Variants in CENPU observed in about 807,000 individuals in gnomAD.
CENPU encodes the protein KSHV latent nuclear antigen interacting protein 1.
In CENPU, 46 loss-of-function variants were observed where a neutral mutation model predicts 56.7. That is an observed-to-expected ratio of 0.81 (90% confidence interval 0.64 to 1.04). The LOEUF (loss-of-function observed/expected upper bound fraction) is 1.04, where lower values mean the gene tolerates loss of function less well. CENPU is among the 50% of genes least tolerant of loss of function. CENPU has a pLI of 0.00. For synonymous variants in CENPU, 166 were observed against 163.0 expected (o/e 1.02, Z -0.14); for missense variants, 510 against 490.1 (o/e 1.04, Z -0.38).
At chr4:184,714,951 T>C (rs12502860) in intron 6 of CENPU, among the ~76,000 whole-genome samples, 27,027 of 152,010 alleles carry the variant, frequency 0.18, 2,684 homozygotes, top group African/African-American at 0.26. Flanking sequence ...TGAATCAACT[T>C]GACCTCAACT....
At chr4:184,710,633 C>A (rs1760891063) in intron 7 of CENPU, among the ~76,000 whole-genome samples, 1 of 151,530 alleles carries the variant, frequency 6.6e-6, no homozygotes, top group Non-Finnish European at 1.5e-5. Flanking sequence ...AATCTGAAGA[C>A]CTTGGTTCTA....
At chr4:184,718,248 C>T (rs187114327) in intron 4 of CENPU, among the ~76,000 whole-genome samples, 31 of 152,224 alleles carry the variant, frequency 2.0e-4, no homozygotes, top group African/African-American at 7.5e-4. Context: ...CAGGCCAGGC[C>T]TCCTTTTAAC....
chr4:184,704,431 C>G (rs1024288849), intron 8 of CENPU, among the ~76,000 whole-genome samples: 7 of 152,068 alleles, frequency 4.6e-5, no homozygotes, highest in African/African-American at 1.7e-4. Context: ...ATAGGCAACA[C>G]ATCATATAGC....
In CENPU at chr4:184,716,601, G is replaced by A. The variant is rs776055774; in HGVS notation, c.414C>T (p.Asp138=). Residue 138 remains aspartate, a synonymous_variant, in exon 6 of 13, where the codon GAC becomes GAT. Transcript: ENST00000281453. ...TATCACTTTCTTCAATGCTTTCAGAGTCATCACTAATGGGCCTGAGCTTTC... is the reference window on the plus strand; with the variant it reads ...TATCACTTTCTTCAATGCTTTCAGAATCATCACTAATGGGCCTGAGCTTTC... ...PGRKLRPISD[D]SESIEESDTR... is the part of the protein sequence containing the mutation. 2.2e-5 allele frequency: 35 copies of A among 1,614,004 alleles called. No homozygotes were observed. The South Asian group carries it at 3.6e-4, about 17-fold the overall frequency.
chr4:184,726,814 C>T (rs1388414161), intron 3 of CENPU, among the ~76,000 whole-genome samples: 3 of 152,028 alleles, frequency 2.0e-5, no homozygotes, highest in East Asian at 1.9e-4. Context: ...TCTGGCTGGG[C>T]GCAGTGGCTC....
intron 1 of CENPU, among the ~76,000 whole-genome samples, chr4:184,732,260 G>C (rs1761674820): frequency 7.2e-6 from 1 of 138,444 alleles, no homozygotes; most frequent in Non-Finnish European, 1.6e-5. Flanking sequence ...AAAAAAAAAA[G>C]TTAGAAAACT....
At chr4:184,706,950 G>A (rs953958678) in intron 8 of CENPU, among the ~76,000 whole-genome samples, 3 of 151,454 alleles carry the variant, frequency 2.0e-5, no homozygotes, top group African/African-American at 7.3e-5. Context: ...TTTAGAAGGG[G>A]ACAATGCCAT....
rs76476055 is a variant in CENPU, at chr4:184,715,323, A to G, written c.618+1074T>C. ...AATTTTAGCACCAATAAGACCCAGA[A>G]TTCTTTGTTTTTTGAGACAGAGTCT... On this transcript the variant is annotated intron_variant, in intron 6 of 12. Transcript: ENST00000281453. Among the ~76,000 whole-genome samples the G allele has an allele frequency of 5.1e-4, 77 of 152,274 alleles. No individual in the cohort carries two copies. The East Asian group carries it at 0.012, about 24-fold the overall frequency.
At chr4:184,696,403 G>A (rs1035765182) in intron 12 of CENPU, among the ~76,000 whole-genome samples, 1 of 152,168 alleles carries the variant, frequency 6.6e-6, no homozygotes, top group African/African-American at 2.4e-5. Flanking sequence ...CAGGTGGTGT[G>A]TTCCAAACAA....
chr4:184,705,075 T>G (rs929507337), intron 8 of CENPU, among the ~76,000 whole-genome samples: 4 of 152,128 alleles, frequency 2.6e-5, no homozygotes, highest in African/African-American at 9.7e-5. Flanking sequence ...TCTTGGGCAT[T>G]TATCCCAGAG....
At chr4:184,728,166 GT>G (rs1313984347) in intron 3 of CENPU, among the ~76,000 whole-genome samples, 1 of 152,114 alleles carries the variant, frequency 6.6e-6, no homozygotes, top group East Asian at 1.9e-4. Context: ...AAATTATGGG[GT>G]TTTAGGTTCA....
intron 11 of CENPU, chr4:184,698,014 T>C (rs1760399284): frequency 4.0e-6 from 2 of 501,248 alleles, no homozygotes; most frequent in African/African-American, 2.0e-5. Context: ...AATGAATAAT[T>C]AGCAGTGATA....
intron 4 of CENPU, among the ~76,000 whole-genome samples, chr4:184,724,332 T>C (rs181597277): frequency 1.3e-5 from 2 of 152,314 alleles, no homozygotes; most frequent in East Asian, 3.9e-4. Context: ...TAAATACATT[T>C]AGTAACTAGA....
intron 4 of CENPU, among the ~76,000 whole-genome samples, chr4:184,724,433 T>A (rs1293329878): frequency 1.3e-5 from 2 of 152,248 alleles, no homozygotes; most frequent in Non-Finnish European, 2.9e-5. Flanking sequence ...AGTTCTGCAT[T>A]ATATAACTTG....
At chr4:184,724,825 C>G (rs1761399951) in intron 4 of CENPU, 132 bp downstream of exon 4, 2 of 579,028 alleles carry the variant, frequency 3.5e-6, no homozygotes, top group East Asian at 2.9e-5. Flanking sequence ...TGCCTCAGTT[C>G]TCTTGAGAAA....
chr4:184,724,762 G>A (rs1761398478), intron 4 of CENPU, among the ~76,000 whole-genome samples, 195 bp downstream of exon 4: 1 of 152,144 alleles, frequency 6.6e-6, no homozygotes, highest in African/African-American at 2.4e-5. Flanking sequence ...TGTGAATTCT[G>A]TCAGTTATCA....
chr4:184,708,212 G>A (rs28441011), intron 8 of CENPU, among the ~76,000 whole-genome samples: 24,768 of 106,760 alleles, frequency 0.23, 2,451 homozygotes, highest in Middle Eastern at 0.35. Flanking sequence ...GATAGAGTGA[G>A]ACTCCATCTC....
intron 12 of CENPU, 119 bp downstream of exon 12, chr4:184,697,528 G>C: frequency 1.1e-6 from 1 of 910,848 alleles, no homozygotes. Context: ...ACTATTTTAG[G>C]TGGACTCTGT....
rs767811168 is a variant in CENPU at position 184,733,103 on chromosome 4, A to C, written c.47+913T>G. ...TGTTAAAAGATAAAAATAAAAAAAGACAACAAAAACCACTAGCCTTTCAGA... is the reference window on the plus strand; with the variant it reads ...TGTTAAAAGATAAAAATAAAAAAAGCCAACAAAAACCACTAGCCTTTCAGA... On this transcript the variant is annotated intron_variant, in intron 1 of 12. Transcript: ENST00000281453. Among the ~76,000 whole-genome samples the C allele has an allele frequency of 2.3e-3, 345 of 152,350 alleles. 1 individual carries two copies. The highest frequency in any genetic ancestry group is 3.9e-3 in the Non-Finnish European group (264 of 68,036).
Sources: allele counts gnomAD v4.1 joint callset (sites outside exome capture counted in the v4.1 genomes callset), GRCh38; gene constraint gnomAD v4.1.1; transcripts MANE v1.5; gene names NCBI Gene and HGNC (gene_info 2026-07-23, HGNC 2026-07-21).